Variants in NAV3 observed in about 807,000 individuals in gnomAD.
NAV3 encodes pore membrane and/or filament interacting like protein 1.
Under a neutral mutation model 244.7 loss-of-function variants are expected in NAV3, and 87 were observed. That is an observed-to-expected ratio of 0.36 (90% CI 0.30 to 0.42). The LOEUF is 0.42. Ranked by LOEUF, NAV3 falls within the 20% of genes least tolerant of loss-of-function variation. NAV3 has a pLI of 1.00. For synonymous variants in NAV3, 1,126 were observed against 1,042.2 expected (o/e 1.08, Z -1.55); for missense variants, 2,663 against 2,893.3 (o/e 0.92, Z 1.83).
At chr12:78,018,013 G>T (rs1876524215) in intron 8 of NAV3, among the ~76,000 whole-genome samples, 1 of 152,122 alleles carries the variant, frequency 6.6e-6, no homozygotes, top group Non-Finnish European at 1.5e-5. Context: ...TGAATATAAA[G>T]CAAGGATGAC....
At chr12:77,592,820 A>G (rs1404195114) in intron 2 of NAV3, among the ~76,000 whole-genome samples, 3 of 152,216 alleles carry the variant, frequency 2.0e-5, no homozygotes, top group Non-Finnish European at 4.4e-5. Flanking sequence ...TTATCAGATC[A>G]TTTCATACAG....
chr12:77,939,383 A>G (rs1889645770), intron 1 of NAV3, among the ~76,000 whole-genome samples: 1 of 152,128 alleles, frequency 6.6e-6, no homozygotes, highest in Non-Finnish European at 1.5e-5. Context: ...GCTTCTAACA[A>G]TAATTTTAAC....
chr12:77,994,722 A>G, intron 5 of NAV3, 81 bp from the exon 6 acceptor site: 3 of 1,070,166 alleles, frequency 2.8e-6, no homozygotes, highest in South Asian at 1.4e-5. Context: ...TCATTAATTC[A>G]TAGTTTTCTT....
At chr12:77,861,911 A>T (rs1282306770) in intron 1 of NAV3, among the ~76,000 whole-genome samples, 22 of 152,010 alleles carry the variant, frequency 1.4e-4, no homozygotes. Context: ...AATACATATT[A>T]GGTAGGATTT....
At chr12:77,896,464 A>G (rs2136842317) in intron 1 of NAV3, among the ~76,000 whole-genome samples, 1 of 152,326 alleles carries the variant, frequency 6.6e-6, no homozygotes, top group Non-Finnish European at 1.5e-5. Flanking sequence ...TTACAAAGTC[A>G]AAAATTTAAA....
At chr12:78,151,231 G>A (rs1957070294) in intron 22 of NAV3, among the ~76,000 whole-genome samples, 1 of 151,966 alleles carries the variant, frequency 6.6e-6, no homozygotes, top group African/African-American at 2.4e-5. Context: ...ACTTTTGCAC[G>A]CTGATGGGAG....
At chr12:77,639,019 T>A (rs1872277144) in intron 2 of NAV3, among the ~76,000 whole-genome samples, 1 of 152,080 alleles carries the variant, frequency 6.6e-6, no homozygotes, top group African/African-American at 2.4e-5. Flanking sequence ...TGTGTATATA[T>A]GGCCAAAATA....
chr12:78,044,145 A>G lies in NAV3; in HGVS notation c.2024-5848A>G, dbSNP rs146069338. On this transcript the variant is annotated intron_variant, in intron 9 of 39. Transcript: ENST00000397909. The stretch of plus-strand genomic sequence containing the variant: ...AAGGGATCCAGTTTCAGTTATATGC[A>G]TGTGGCTAGCCAGTTTTCCCAGCAC... Among the ~76,000 whole-genome samples the G allele has an allele frequency of 3.4e-3, 517 of 152,290 alleles. 2 individuals are homozygous for G. Among genetic ancestry groups the G allele is most frequent in the African/African-American group, 0.012 (493 of 41,568 alleles).
intron 2 of NAV3, among the ~76,000 whole-genome samples, chr12:77,602,308 T>C (rs1870470845): frequency 6.6e-6 from 1 of 152,034 alleles, no homozygotes; most frequent in Non-Finnish European, 1.5e-5. Flanking sequence ...AGCTACAGAC[T>C]GTCTGATGAC....
intron 2 of NAV3, among the ~76,000 whole-genome samples, chr12:77,822,571 A>C (rs1872790125): frequency 6.6e-6 from 1 of 152,170 alleles, no homozygotes; most frequent in Non-Finnish European, 1.5e-5. Flanking sequence ...GTTAGAAGCC[A>C]GGTCTGGAGA....
intron 12 of NAV3, among the ~76,000 whole-genome samples, chr12:78,113,010 G>A: frequency 6.6e-6 from 1 of 152,190 alleles, no homozygotes; most frequent in South Asian, 2.1e-4. Context: ...AGGCCTCATG[G>A]AGGTCCAAAA....
At chr12:77,630,678 C>T (rs1871855091) in intron 2 of NAV3, among the ~76,000 whole-genome samples, 1 of 152,026 alleles carries the variant, frequency 6.6e-6, no homozygotes, top group Non-Finnish European at 1.5e-5. Flanking sequence ...TTTCCTATTA[C>T]CTTGATGGCT....
rs1238637717 is a variant in NAV3, at chr12:77,998,330, A to G, written c.741-7A>G. The G allele has an allele frequency of 6.5e-7, 1 of 1,548,704 alleles. No homozygotes were observed. The highest frequency in any genetic ancestry group is 8.7e-7 in the Non-Finnish European group (1 of 1,154,566). On this transcript the variant is annotated splice_region_variant and splice_polypyrimidine_tract_variant and intron_variant, in intron 6 of 39. Coordinates refer to ENST00000397909, the MANE Select transcript of NAV3 (RefSeq NM_001024383.2). ...ATAATGATGTAATTTTTCTTATACT[A>G]TTTCAGGCTTCCAGGGCCCTCTAGG... is the stretch of plus-strand genomic sequence containing the variant.
intron 9 of NAV3, among the ~76,000 whole-genome samples, chr12:78,025,595 C>CAAAAAAAA (rs1186694789): frequency 3.4e-4 from 19 of 55,548 alleles, no homozygotes; most frequent in Non-Finnish European, 4.2e-4. Context: ...GACTCCATCT[C>CAAAAAAAA]AAAAAAAAAA....
intron 2 of NAV3, among the ~76,000 whole-genome samples, chr12:77,598,473 T>C (rs1485405331): frequency 2.0e-5 from 3 of 152,038 alleles, no homozygotes; most frequent in Non-Finnish European, 4.4e-5. Context: ...TAGATGACAG[T>C]ACATTCATAC....
intron 12 of NAV3, among the ~76,000 whole-genome samples, chr12:78,068,061 TA>T (rs1428182711): frequency 1.3e-5 from 2 of 151,990 alleles, no homozygotes; most frequent in East Asian, 3.9e-4. Flanking sequence ...AAATTTGTTA[TA>T]ATAACAATAG....
intron 12 of NAV3, among the ~76,000 whole-genome samples, chr12:78,073,532 T>A (rs1952888256): frequency 2.0e-5 from 3 of 151,676 alleles, no homozygotes; most frequent in Non-Finnish European, 4.4e-5. Flanking sequence ...CTCAAGGAAA[T>A]AAAAGAGGAT....
At chr12:77,864,787 T>G (rs1879765143) in intron 1 of NAV3, among the ~76,000 whole-genome samples, 1 of 152,024 alleles carries the variant, frequency 6.6e-6, no homozygotes, top group African/African-American at 2.4e-5. Context: ...TGTTGTTGTT[T>G]TTTCCTTTAA....
intron 14 of NAV3, 99 bp from the exon 15 acceptor site, chr12:78,119,138 A>AT: frequency 8.6e-7 from 1 of 1,163,778 alleles, no homozygotes. Context: ...AGGAAGGGAA[A>AT]TAATATAAAG....
Sources: gnomAD v4.1 joint callset for allele counts (sites outside exome capture counted in the v4.1 genomes callset) on GRCh38, gnomAD v4.1.1 for gene constraint, MANE v1.5 for transcripts, NCBI Gene and HGNC (gene_info 2026-07-23, HGNC 2026-07-21) for gene names.